Variants in MYO16 observed in about 807,000 individuals in gnomAD.
The protein encoded by MYO16 is unconventional myosin-XVI.
MYO16 carries 94 observed loss-of-function variants against 205.3 expected under a neutral mutation model. The observed-to-expected ratio is 0.46, with a 90% CI of 0.39 to 0.54. The LOEUF (loss-of-function observed/expected upper bound fraction) is 0.54. MYO16 is among the 20% of genes least tolerant of loss of function. The pLI, the probability that MYO16 is intolerant of heterozygous loss-of-function variation, is 0.00. For synonymous variants in MYO16, 988 were observed against 954.0 expected (o/e 1.04, Z -0.66); for missense variants, 2,315 against 2,387.5 (o/e 0.97, Z 0.63).
chr13:109,088,560 T>TA (rs1395975126), intron 27 of MYO16, among the ~76,000 whole-genome samples: 4 of 152,116 alleles, frequency 2.6e-5, no homozygotes, highest in African/African-American at 9.7e-5. Context: ...CTTTTTTTTT[T>TA]ATTATTCAGC....
At chr13:109,129,156 C>A (rs1876414170) in intron 31 of MYO16, among the ~76,000 whole-genome samples, 5 of 150,352 alleles carry the variant, frequency 3.3e-5, no homozygotes, top group Non-Finnish European at 7.4e-5. Flanking sequence ...CTTCAAAGTG[C>A]TTTTTATTAG....
intron 3 of MYO16, among the ~76,000 whole-genome samples, chr13:108,726,778 A>T (rs1216932392): frequency 6.6e-6 from 1 of 152,130 alleles, no homozygotes; most frequent in Non-Finnish European, 1.5e-5. Context: ...CCTGAGTTTG[A>T]ACTATAAATA....
the MYO16 span, among the ~76,000 whole-genome samples, chr13:108,579,441 A>ATTT: frequency 2.3e-4 from 32 of 139,480 alleles, no homozygotes; most frequent in South Asian, 1.6e-3. Context: ...AAAGGCAAGA[A>ATTT]TTTTTTTTTT....
intron 2 of MYO16, among the ~76,000 whole-genome samples, chr13:108,671,264 C>T (rs4291792): frequency 0.31 from 47,034 of 152,044 alleles, 7,601 homozygotes; most frequent in African/African-American, 0.41. Context: ...CAGACAAAAA[C>T]AATCACCCAC....
intron 27 of MYO16, among the ~76,000 whole-genome samples, chr13:109,072,204 A>G (rs1203210284): frequency 8.5e-5 from 13 of 152,210 alleles, no homozygotes; most frequent in South Asian, 2.1e-4. Context: ...CTCAAGGCGC[A>G]TGTTCACTTT....
chr13:108,696,525 G>C (rs920420868), intron 2 of MYO16, among the ~76,000 whole-genome samples: 1 of 152,118 alleles, frequency 6.6e-6, no homozygotes, highest in Non-Finnish European at 1.5e-5. Context: ...TGAAATTCCA[G>C]TGTAGGCAAA....
intron 4 of MYO16, among the ~76,000 whole-genome samples, chr13:108,755,819 A>G (rs71435293): frequency 0.16 from 23,709 of 152,092 alleles, 2,081 homozygotes; most frequent in Non-Finnish European, 0.21. Context: ...TCAGCAGTGA[A>G]CTCTAGATGT....
chr13:108,972,771 G>C (rs1236186485), intron 20 of MYO16, among the ~76,000 whole-genome samples: 2 of 151,834 alleles, frequency 1.3e-5, no homozygotes, highest in African/African-American at 4.8e-5. Context: ...GTGGTTTGTG[G>C]TTTTTTAGTA....
intron 16 of MYO16, among the ~76,000 whole-genome samples, chr13:108,921,809 G>T (rs761267537): frequency 4.7e-4 from 72 of 152,314 alleles, no homozygotes; most frequent in Non-Finnish European, 9.7e-4. Flanking sequence ...TGGCTGGGGG[G>T]TTTGGGAAAA....
intron 33 of MYO16, among the ~76,000 whole-genome samples, chr13:109,171,814 T>C (rs1472641470): frequency 6.6e-6 from 1 of 152,250 alleles, no homozygotes; most frequent in Non-Finnish European, 1.5e-5. Flanking sequence ...ATAATATGGC[T>C]GGGTATCAGG....
At chr13:108,824,232 A>G (rs1044359238) in intron 9 of MYO16, among the ~76,000 whole-genome samples, 7 of 152,098 alleles carry the variant, frequency 4.6e-5, no homozygotes, top group African/African-American at 1.7e-4. Context: ...AAATTATTAA[A>G]CATTGGAAAG....
the MYO16 span, among the ~76,000 whole-genome samples, chr13:108,506,535 A>G: frequency 6.9e-6 from 1 of 145,384 alleles, no homozygotes; most frequent in African/African-American, 2.5e-5. Context: ...TAGTGATTTC[A>G]TTTATTAGTT....
intron 9 of MYO16, among the ~76,000 whole-genome samples, chr13:108,836,712 A>T (rs933482635): frequency 5.3e-5 from 8 of 152,192 alleles, no homozygotes; most frequent in Non-Finnish European, 8.8e-5. Flanking sequence ...GAGAATCGTT[A>T]TGGAACGTTA....
intron 3 of MYO16, among the ~76,000 whole-genome samples, chr13:108,726,336 G>A (rs549451304): frequency 2.3e-3 from 355 of 152,096 alleles, no homozygotes; most frequent in Non-Finnish European, 4.2e-3. Flanking sequence ...CGAGGTGGGC[G>A]GATCACGATG....
At chr13:108,856,216 C>G (rs1317473020) in intron 11 of MYO16, among the ~76,000 whole-genome samples, 1 of 152,174 alleles carries the variant, frequency 6.6e-6, no homozygotes, top group Non-Finnish European at 1.5e-5. Context: ...TTCTCTTCCA[C>G]TCTCTGATTT....
At chr13:108,714,137 A>G (rs1883834594) in intron 3 of MYO16, among the ~76,000 whole-genome samples, 1 of 152,086 alleles carries the variant, frequency 6.6e-6, no homozygotes, top group East Asian at 1.9e-4. Context: ...GCTCACTGCA[A>G]GCTCCGTCTC....
At chr13:108,678,586 C>A (rs1882329444) in intron 2 of MYO16, among the ~76,000 whole-genome samples, 1 of 152,142 alleles carries the variant, frequency 6.6e-6, no homozygotes, top group Non-Finnish European at 1.5e-5. Flanking sequence ...TGTTGCCAGG[C>A]TCAGAGGGTA....
chr13:108,751,670 G>A (rs1020084891), intron 4 of MYO16, among the ~76,000 whole-genome samples: 1 of 152,122 alleles, frequency 6.6e-6, no homozygotes, highest in African/African-American at 2.4e-5. Context: ...CAAGTCTCAA[G>A]AGTGGCAAGC....
intron 27 of MYO16, among the ~76,000 whole-genome samples, chr13:109,096,876 A>G (rs966629767): frequency 1.3e-5 from 2 of 152,238 alleles, no homozygotes; most frequent in Non-Finnish European, 2.9e-5. Flanking sequence ...TGACTTGCCA[A>G]GGGCATCATA....
Sources: allele counts gnomAD v4.1 joint callset (sites outside exome capture counted in the v4.1 genomes callset), GRCh38; gene constraint gnomAD v4.1.1; transcripts MANE v1.5; gene names NCBI Gene and HGNC (gene_info 2026-07-23, HGNC 2026-07-21).